Variants in DCC observed in about 807,000 individuals in gnomAD.
DCC encodes netrin receptor DCC.
In DCC, 58 loss-of-function variants were observed where a neutral mutation model predicts 172.5. The observed-to-expected ratio is 0.34, with a 90% CI of 0.27 to 0.42. The LOEUF (loss-of-function observed/expected upper bound fraction) is 0.42, where lower values mean the gene tolerates loss of function less well. Ranked by LOEUF, DCC falls within the 10% of genes least tolerant of loss-of-function variation. The pLI is 1.00. For synonymous variants in DCC, 709 were observed against 644.5 expected (o/e 1.10, Z -1.52); for missense variants, 1,740 against 1,791.0 (o/e 0.97, Z 0.51).
intron 5 of DCC, among the ~76,000 whole-genome samples, chr18:53,017,447 T>C (rs1404528223): frequency 6.6e-6 from 1 of 152,198 alleles, no homozygotes; most frequent in Non-Finnish European, 1.5e-5. Context: ...TATCTCTAGG[T>C]ATCTAATTGT....
rs576130876 is a variant in DCC, at chr18:52,741,815, G to A, written c.92-10239G>A. 1.4e-4 allele frequency among the ~76,000 whole-genome samples: 21 copies of A among 152,134 alleles called. No homozygotes were observed. The East Asian group carries it at 2.1e-3, about 15-fold the overall frequency. On this transcript the variant is annotated intron_variant, in intron 1 of 28. Transcript: ENST00000442544. The stretch of plus-strand genomic sequence containing the variant: ...GGGTGCCTTAGCATCCTCTGCCTGC[G>A]GTGTTCTTCCCCTATATATCTGCTC...
chr18:53,447,784 T>C (rs891574006), intron 22 of DCC, among the ~76,000 whole-genome samples: 1 of 152,322 alleles, frequency 6.6e-6, no homozygotes, highest in African/African-American at 2.4e-5. Flanking sequence ...AATACTACTG[T>C]AAAATAACTT....
At chr18:52,540,426 CA>C (rs955542067) in intron 1 of DCC, among the ~76,000 whole-genome samples, 2 of 148,370 alleles carry the variant, frequency 1.3e-5, no homozygotes, top group East Asian at 2.0e-4. Flanking sequence ...GACCCTGACT[CA>C]AAAAAAAACC....
intron 1 of DCC, among the ~76,000 whole-genome samples, chr18:52,664,218 A>C (rs2035417738): frequency 6.6e-6 from 1 of 152,150 alleles, no homozygotes. Flanking sequence ...AGAAAACTGA[A>C]TTATTTTGAG....
At chr18:52,433,114 A>T (rs1987678955) in intron 1 of DCC, among the ~76,000 whole-genome samples, 1 of 152,210 alleles carries the variant, frequency 6.6e-6, no homozygotes, top group Non-Finnish European at 1.5e-5. Context: ...CATTTTTAAT[A>T]TCCCTGAAAT....
intron 1 of DCC, among the ~76,000 whole-genome samples, chr18:52,462,023 A>G (rs1393620610): frequency 6.6e-6 from 1 of 151,326 alleles, no homozygotes; most frequent in East Asian, 1.9e-4. Context: ...ACCATTTTTG[A>G]CTCTTCTGTT....
intron 27 of DCC, among the ~76,000 whole-genome samples, chr18:53,502,030 C>G (rs191087384): frequency 6.6e-6 from 1 of 152,266 alleles, no homozygotes; most frequent in African/African-American, 2.4e-5. Flanking sequence ...ATAAGCATGT[C>G]TGAAGAGCCA....
At chr18:52,841,573 C>T (rs2038807933) in intron 2 of DCC, among the ~76,000 whole-genome samples, 1 of 152,080 alleles carries the variant, frequency 6.6e-6, no homozygotes, top group Non-Finnish European at 1.5e-5. Flanking sequence ...GGTACCAGTA[C>T]ATGTAGTGAG....
chr18:52,750,393 G>A (rs1210245350), intron 1 of DCC, among the ~76,000 whole-genome samples: 1 of 152,128 alleles, frequency 6.6e-6, no homozygotes, highest in Non-Finnish European at 1.5e-5. Context: ...GGGAGAAGGA[G>A]CTTATTTGAA....
chr18:53,345,680 T>G (rs1424870597), intron 15 of DCC, among the ~76,000 whole-genome samples: 1 of 152,150 alleles, frequency 6.6e-6, no homozygotes, highest in Non-Finnish European at 1.5e-5. Context: ...TTTCTTCGTT[T>G]TGCTTTATCT....
chr18:53,113,125 A>G (rs557583502), intron 7 of DCC, among the ~76,000 whole-genome samples: 2 of 151,562 alleles, frequency 1.3e-5, no homozygotes, highest in African/African-American at 4.8e-5. Context: ...AACTGAATCC[A>G]CCAAATAACA....
chr18:52,796,035 T>A (rs1237732266), intron 2 of DCC, among the ~76,000 whole-genome samples: 2 of 149,160 alleles, frequency 1.3e-5, no homozygotes, highest in African/African-American at 2.4e-5. Context: ...GTTTTTCATT[T>A]AAATTGTTTT....
At chr18:52,529,540 TC>T (rs1212353459) in intron 1 of DCC, among the ~76,000 whole-genome samples, 1 of 152,204 alleles carries the variant, frequency 6.6e-6, no homozygotes, top group African/African-American at 2.4e-5. Context: ...TCCACCCGCC[TC>T]GGCCTCCCAA....
In DCC at chr18:52,340,362, C is replaced by A; in HGVS notation, c.-426C>A. 4.7e-6 allele frequency: 1 copy of A among 213,376 alleles called. No individual in the cohort carries two copies. Among genetic ancestry groups the A allele is most frequent in the South Asian group, 8.3e-5 (1 of 12,100 alleles). 13.2% of individuals were successfully genotyped at this position (213,376 alleles called of 1,614,324 possible). ...ACTTTACCCAACCGACGACAAGGAA[C>A]CAGCCTCAACCTTTTAATGCACAGC... On this transcript the variant is annotated 5_prime_UTR_variant, in exon 1 of 29. Transcript: ENST00000442544.
intron 2 of DCC, among the ~76,000 whole-genome samples, chr18:52,875,119 T>C (rs1368290692): frequency 6.6e-6 from 1 of 152,062 alleles, no homozygotes; most frequent in Non-Finnish European, 1.5e-5. Flanking sequence ...GGTCCTTTGC[T>C]CTCTCTGGAG....
chr18:52,602,367 C>G (rs1024349672), intron 1 of DCC, among the ~76,000 whole-genome samples: 17 of 149,680 alleles, frequency 1.1e-4, no homozygotes, highest in Non-Finnish European at 2.2e-4. Flanking sequence ...CTAATTTTCT[C>G]AAATGTTTGT....
chr18:53,260,786 G>T (rs545030557), intron 12 of DCC, among the ~76,000 whole-genome samples: 7 of 152,264 alleles, frequency 4.6e-5, no homozygotes, highest in African/African-American at 1.7e-4. Context: ...GTTTGTCTAT[G>T]CCCTGCCCTC....
intron 12 of DCC, among the ~76,000 whole-genome samples, chr18:53,300,474 C>T (rs1340802018): frequency 6.6e-6 from 1 of 152,108 alleles, no homozygotes; most frequent in Non-Finnish European, 1.5e-5. Flanking sequence ...AGTGCTGAAG[C>T]ACTGTCCAGT....
At chr18:52,884,652 C>T (rs1033217751) in intron 2 of DCC, among the ~76,000 whole-genome samples, 4 of 152,120 alleles carry the variant, frequency 2.6e-5, no homozygotes, top group African/African-American at 9.7e-5. Context: ...TTTGAATTCT[C>T]TGTCTGAAAG....
Sources: allele counts gnomAD v4.1 joint callset (sites outside exome capture counted in the v4.1 genomes callset), GRCh38; gene constraint gnomAD v4.1.1; transcripts MANE v1.5; gene names NCBI Gene and HGNC (gene_info 2026-07-23, HGNC 2026-07-21).